Variants in SPIDR observed in about 807,000 individuals in gnomAD.
SPIDR encodes DNA repair-scaffolding protein.
SPIDR carries 93 observed loss-of-function variants against 104.6 expected under a neutral mutation model. The ratio of observed to expected loss-of-function variants is 0.89; its 90% CI spans 0.75 to 1.06. SPIDR has a LOEUF of 1.06. SPIDR is among the 50% of genes least tolerant of loss of function. The pLI is 0.00. For missense variants in SPIDR, 1,154 were observed against 1,111.2 expected (o/e 1.04, Z -0.55); for synonymous variants, 431 against 416.9 (o/e 1.03, Z -0.41).
At chr8:47,708,455 G>A (rs533240596) in intron 14 of SPIDR, among the ~76,000 whole-genome samples, 1 of 152,248 alleles carries the variant, frequency 6.6e-6, no homozygotes, top group East Asian at 1.9e-4. Flanking sequence ...CACATGCACA[G>A]CCTCCCCATT....
chr8:47,643,373 C>G (rs1165785328), intron 10 of SPIDR, among the ~76,000 whole-genome samples: 1 of 152,076 alleles, frequency 6.6e-6, no homozygotes, highest in Non-Finnish European at 1.5e-5. Context: ...TGTTTTGAGA[C>G]AGTCTTCCTC....
At chr8:47,506,098 T>C (rs2081437614) in intron 8 of SPIDR, among the ~76,000 whole-genome samples, 1 of 152,232 alleles carries the variant, frequency 6.6e-6, no homozygotes, top group African/African-American at 2.4e-5. Context: ...TTTCTTGTAA[T>C]GCTACAAGAG....
chr8:47,306,414 T>TA (rs2043106035), intron 5 of SPIDR, among the ~76,000 whole-genome samples: 1 of 152,252 alleles, frequency 6.6e-6, no homozygotes, highest in Non-Finnish European at 1.5e-5. Flanking sequence ...GTGCTGGGGT[T>TA]ACAGGCATGA....
chr8:47,421,849 G>T (rs1431646347), intron 7 of SPIDR, among the ~76,000 whole-genome samples: 1 of 152,204 alleles, frequency 6.6e-6, no homozygotes, highest in African/African-American at 2.4e-5. Context: ...CTCAGCTGCA[G>T]GTCTGTTGGA....
chr8:47,498,309 GTTCCATC>G (rs1013983528), intron 8 of SPIDR, among the ~76,000 whole-genome samples: 3 of 152,120 alleles, frequency 2.0e-5, no homozygotes, highest in African/African-American at 7.2e-5. Context: ...ATTGGCAAAC[GTTCCATC>G]TTGAATAACT....
In SPIDR at chr8:47,339,719, G is replaced by A. The variant is rs559396024; in HGVS notation, c.525+45689G>A. Among the ~76,000 whole-genome samples, 7 of 142,820 alleles carry A rather than the reference G, an allele frequency of 4.9e-5. No individual in the cohort carries two copies. The East Asian group carries it at 8.1e-4, about 16-fold the overall frequency. 93.7% of individuals were successfully genotyped at this position (142,820 alleles called of 152,430 possible). On this transcript the variant is annotated intron_variant, in intron 5 of 19. Transcript: ENST00000297423. ...TTTTGAGGTGGAGTCTCGCACTGTC[G>A]CCTGGACTGGAGTGCAATGGTGTGA...
intron 8 of SPIDR, among the ~76,000 whole-genome samples, chr8:47,482,867 G>T (rs1234948018): frequency 6.6e-6 from 1 of 151,816 alleles, no homozygotes; most frequent in South Asian, 2.1e-4. Flanking sequence ...ACAGAGTCTC[G>T]CACTGTCGCC....
At chr8:47,565,564 T>C (rs2057681986) in intron 8 of SPIDR, among the ~76,000 whole-genome samples, 1 of 152,108 alleles carries the variant, frequency 6.6e-6, no homozygotes, top group Admixed American at 6.6e-5. Context: ...TTTAAAAATG[T>C]AAAATATCCC....
intron 8 of SPIDR, among the ~76,000 whole-genome samples, chr8:47,593,909 G>A (rs1032402778): frequency 1.3e-5 from 2 of 152,106 alleles, no homozygotes; most frequent in Admixed American, 6.5e-5. Flanking sequence ...ACTGAGCAGC[G>A]GTGAAAATCC....
rs780095766 is a variant in SPIDR, at chr8:47,599,091, C to G, written c.1439C>G (p.Ala480Gly). 16 of 1,612,830 alleles carry G rather than the reference C, an allele frequency of 9.9e-6. No homozygotes were observed. In the South Asian group the frequency reaches 1.3e-4, roughly 13 times the overall value. Residue 480 changes from alanine to glycine, a missense_variant, in exon 10 of 20, where the codon GCT becomes GGT. Coordinates refer to ENST00000297423, the MANE Select transcript of SPIDR (RefSeq NM_001080394.4). ...CAGGGAGCTGCCTCGTGGCCAGGAG[C>G]TGGAGTCCGAGTGGTGGTGCAAAGA... ...ESQGAASWPG[A>G]GVRVVVQRVY...
intron 5 of SPIDR, among the ~76,000 whole-genome samples, chr8:47,353,662 T>G (rs1221101770): frequency 6.6e-6 from 1 of 152,174 alleles, no homozygotes; most frequent in Non-Finnish European, 1.5e-5. Flanking sequence ...TATATTTTAG[T>G]ATCTTTTATC....
chr8:47,512,048 C>T (rs1770889506), intron 8 of SPIDR: 11 of 680,320 alleles, frequency 1.6e-5, no homozygotes, highest in South Asian at 1.4e-4. Context: ...ATCTGCAAGT[C>T]CCAGGTAGCC....
intron 8 of SPIDR, among the ~76,000 whole-genome samples, chr8:47,558,847 A>G (rs1237512794): frequency 6.6e-6 from 1 of 152,078 alleles, no homozygotes; most frequent in Non-Finnish European, 1.5e-5. Context: ...TCACTGTGTT[A>G]GCCGGGATGA....
chr8:47,702,072 CTCTCTCTCTCTCTCTCTCTCTCTCTT>C (rs1160062178), intron 14 of SPIDR, 57 bp downstream of exon 14: 16 of 587,354 alleles, frequency 2.7e-5, no homozygotes, highest in Middle Eastern at 3.9e-4. Context: ...CTCTCTCTCT[CTCTCTCTCTCTCTCTCTCTCTCTCTT>C]ACACACACAC....
chr8:47,732,195 TG>T (rs773487821), intron 19 of SPIDR: 1 of 702,454 alleles, frequency 1.4e-6, no homozygotes, highest in Non-Finnish European at 2.6e-6. Flanking sequence ...CTGGCTAAGG[TG>T]CTTGTTCCTC....
At chr8:47,294,179 A>C in intron 5 of SPIDR, 149 bp downstream of exon 5, 1 of 951,050 alleles carries the variant, frequency 1.1e-6, no homozygotes, top group Non-Finnish European at 1.5e-6. Context: ...TTACTCACTT[A>C]TCTCTAAATA....
At chr8:47,594,640 A>G (rs958798247) in intron 8 of SPIDR, among the ~76,000 whole-genome samples, 2 of 152,096 alleles carry the variant, frequency 1.3e-5, no homozygotes, top group Non-Finnish European at 2.9e-5. Flanking sequence ...TTGTCAGCAC[A>G]TGTTACTGTT....
chr8:47,734,625 T>C (rs2085867005), intron 19 of SPIDR, among the ~76,000 whole-genome samples: 2 of 152,306 alleles, frequency 1.3e-5, no homozygotes, highest in South Asian at 2.1e-4. Context: ...AGAGATGGAA[T>C]ATCTCAGTGC....
intron 5 of SPIDR, among the ~76,000 whole-genome samples, chr8:47,379,436 G>A (rs1052512740): frequency 2.0e-5 from 3 of 152,068 alleles, no homozygotes; most frequent in Non-Finnish European, 2.9e-5. Context: ...CCAGCTACTC[G>A]GGAGGCTGTG....
Sources: gnomAD v4.1 joint callset for allele counts (sites outside exome capture counted in the v4.1 genomes callset) on GRCh38, gnomAD v4.1.1 for gene constraint, MANE v1.5 for transcripts, NCBI Gene and HGNC (gene_info 2026-07-23, HGNC 2026-07-21) for gene names.